BATF: variants seen among roughly 807,000 people sequenced by gnomAD.
BATF encodes the protein basic leucine zipper transcriptional factor ATF-like.
BATF carries 5 observed loss-of-function variants against 13.7 expected under a neutral mutation model. The observed-to-expected ratio is 0.36, with a 90% CI of 0.19 to 0.77. BATF has a LOEUF of 0.77. Ranked by LOEUF, BATF falls within the 30% of genes least tolerant of loss-of-function variation. The pLI is 0.51. For synonymous variants in BATF, 72 were observed against 67.5 expected (o/e 1.07, Z -0.33); for missense variants, 124 against 163.0 (o/e 0.76, Z 1.30).
At chr14:75,529,473 A>T (rs1384374379) in intron 2 of BATF, among the ~76,000 whole-genome samples, 1 of 152,214 alleles carries the variant, frequency 6.6e-6, no homozygotes, top group East Asian at 1.9e-4. Context: ...AATTTTTTAA[A>T]AAAAGGAAGC....
chr14:75,525,815 A>G (rs1472747385), intron 2 of BATF, among the ~76,000 whole-genome samples: 1 of 131,378 alleles, frequency 7.6e-6, no homozygotes, highest in East Asian at 1.9e-4. Context: ...TGCTTTGGGG[A>G]CGGCCCATTG....
At chr14:75,544,255 T>C (rs1887947269) in intron 2 of BATF, among the ~76,000 whole-genome samples, 1 of 152,010 alleles carries the variant, frequency 6.6e-6, no homozygotes, top group Non-Finnish European at 1.5e-5. Flanking sequence ...AAAAAAAAAT[T>C]ATTATTATTT....
Position 75,546,939 on chromosome 14 carries a change from A to G in BATF, c.*268A>G, listed in dbSNP as rs1260293918. ...GAAAGATGCTCAAGTCCCATGGCAC[A>G]GAGCAAGGCGGGCAGGGAACGGTTA... On this transcript the variant is annotated 3_prime_UTR_variant, in exon 3 of 3. Coordinates refer to ENST00000286639, the MANE Select transcript of BATF (RefSeq NM_006399.5). 8.5e-6 allele frequency: 6 copies of G among 703,970 alleles called. No individual in the cohort carries two copies. In the East Asian group the frequency reaches 1.3e-4, roughly 16 times the overall value. The allele number at this position is 703,970 out of a possible 1,614,324, so 43.6% of individuals were successfully genotyped here. A position where few individuals can be genotyped will look rare whatever the true frequency, so the allele number is the denominator to read the frequency against.
At chr14:75,539,882 A>G (rs753929941) in intron 2 of BATF, among the ~76,000 whole-genome samples, 11 of 152,136 alleles carry the variant, frequency 7.2e-5, no homozygotes, top group Non-Finnish European at 1.2e-4. Context: ...TTTCAGTTGG[A>G]AGCCTGCTCC....
chr14:75,539,020 G>A (rs1206830105), intron 2 of BATF, among the ~76,000 whole-genome samples: 1 of 152,236 alleles, frequency 6.6e-6, no homozygotes, highest in East Asian at 1.9e-4. Context: ...TTTGTAACTC[G>A]AAGCATCAGT....
chr14:75,545,844 G>A (rs980137526), intron 2 of BATF, among the ~76,000 whole-genome samples: 17 of 151,810 alleles, frequency 1.1e-4, no homozygotes, highest in African/African-American at 3.6e-4. Flanking sequence ...CTATCAGGTT[G>A]AACCATATGA....
intron 2 of BATF, among the ~76,000 whole-genome samples, chr14:75,539,902 G>A (rs997875382): frequency 6.6e-6 from 1 of 152,050 alleles, no homozygotes; most frequent in African/African-American, 2.4e-5. Context: ...CAGGAATGGC[G>A]GGCTCCACCC....
At chr14:75,542,392 A>G (rs1457787733) in intron 2 of BATF, among the ~76,000 whole-genome samples, 1 of 152,202 alleles carries the variant, frequency 6.6e-6, no homozygotes, top group African/African-American at 2.4e-5. Flanking sequence ...TCAGTAGCAG[A>G]AGACATGCAT....
At position 75,539,984 on chromosome 14, in the gene BATF, C is replaced by T. The variant is rs146425872; in HGVS notation, c.169-6478C>T. On this transcript the variant is annotated intron_variant, in intron 2 of 2. Coordinates refer to ENST00000286639, the MANE Select transcript of BATF (RefSeq NM_006399.5). ...ATATCTGGGTGTGAGGGATAAGCTT[C>T]GAACGCCACTTAAGTGTAGGTGGGA... 4.9e-3 allele frequency among the ~76,000 whole-genome samples: 746 copies of T among 152,206 alleles called. 3 individuals carry two copies. Among genetic ancestry groups the T allele is most frequent in the African/African-American group, 0.015 (611 of 41,522 alleles).
intron 2 of BATF, among the ~76,000 whole-genome samples, chr14:75,530,108 T>A (rs1034341734): frequency 1.4e-5 from 2 of 146,268 alleles, no homozygotes; most frequent in African/African-American, 5.0e-5. Flanking sequence ...TGACTATGAA[T>A]AGGCAATTTA....
At chr14:75,525,212 T>C in intron 2 of BATF, 24 bp downstream of exon 2, 1 of 1,605,366 alleles carries the variant, frequency 6.2e-7, no homozygotes, top group Non-Finnish European at 8.5e-7. Context: ...TCAATCTTCA[T>C]CCTCGTGAGC....
chr14:75,544,562 CAAAAAAAAAA>C (rs67545560), intron 2 of BATF, among the ~76,000 whole-genome samples: 1,128 of 33,010 alleles, frequency 0.034, 12 homozygotes, highest in Middle Eastern at 0.08. Context: ...GAGACTGTCT[CAAAAAAAAAA>C]AAAAAAAAAA....
chr14:75,533,714 G>T (rs1467013318), intron 2 of BATF, among the ~76,000 whole-genome samples: 5 of 152,166 alleles, frequency 3.3e-5, no homozygotes, highest in African/African-American at 1.2e-4. Flanking sequence ...GATATCTGTA[G>T]AGGGTTCCAC....
At chr14:75,524,466 G>A (rs936195162) in intron 1 of BATF, among the ~76,000 whole-genome samples, 1 of 152,166 alleles carries the variant, frequency 6.6e-6, no homozygotes, top group African/African-American at 2.4e-5. Context: ...TAGCTAGCGG[G>A]GAAGGGTCTT....
chr14:75,546,329 A>G, intron 2 of BATF, 133 bp from the exon 3 acceptor site: 1 of 870,454 alleles, frequency 1.1e-6, no homozygotes, highest in Non-Finnish European at 1.8e-6. Context: ...ACGTGCAGGA[A>G]AATTCTCTGG....
At chr14:75,529,655 A>G (rs1887703895) in intron 2 of BATF, among the ~76,000 whole-genome samples, 1 of 152,260 alleles carries the variant, frequency 6.6e-6, no homozygotes, top group South Asian at 2.1e-4. Context: ...ATGCAAAATC[A>G]AAGGCAAATG....
chr14:75,529,224 T>C (rs919227703), intron 2 of BATF, among the ~76,000 whole-genome samples: 1 of 151,726 alleles, frequency 6.6e-6, no homozygotes, highest in Admixed American at 6.6e-5. Context: ...AATACAGAAA[T>C]CAAAACAATG....
At position 75,525,659 on chromosome 14, in the gene BATF, C is replaced by CAAAA. The variant is rs35718974; in HGVS notation, c.168+487_168+490dup. On this transcript the variant is annotated intron_variant, in intron 2 of 2. Coordinates refer to ENST00000286639, the MANE Select transcript of BATF (RefSeq NM_006399.5). The stretch of plus-strand genomic sequence containing the variant: ...GGGTGATAGGAGTGAAACTTCATCT[C>CAAAA]AAAAAAAAAAAAAAAAAAATAGAAG... Among the ~76,000 whole-genome samples the CAAAA allele has an allele frequency of 4.7e-5, 5 of 105,482 alleles. No homozygotes were observed. In the South Asian group the frequency reaches 1.6e-3, roughly 34 times the overall value. The allele number at this position is 105,482 out of a possible 152,430, so 69.2% of individuals were successfully genotyped here. A position where few individuals can be genotyped will look rare whatever the true frequency, so the allele number is the denominator to read the frequency against.
intron 2 of BATF, among the ~76,000 whole-genome samples, chr14:75,525,677 AAT>A (rs1276415138): frequency 6.6e-6 from 1 of 151,390 alleles, no homozygotes; most frequent in Non-Finnish European, 1.5e-5. Context: ...AAAAAAAAAA[AAT>A]AGAAGGCTCT....
Sources: allele counts gnomAD v4.1 joint callset (sites outside exome capture counted in the v4.1 genomes callset), GRCh38; gene constraint gnomAD v4.1.1; transcripts MANE v1.5; gene names NCBI Gene and HGNC (gene_info 2026-07-23, HGNC 2026-07-21).